Variants in PCDH9 observed in about 807,000 individuals in gnomAD.
PCDH9 encodes the protein protocadherin 9.
PCDH9 carries 24 observed loss-of-function variants against 70.6 expected under a neutral mutation model. That is an observed-to-expected ratio of 0.34 (90% CI 0.25 to 0.48). The LOEUF (loss-of-function observed/expected upper bound fraction) is 0.48. Ranked by LOEUF, PCDH9 falls within the 20% of genes least tolerant of loss-of-function variation. PCDH9 has a pLI of 0.99. For missense variants in PCDH9, 1,281 were observed against 1,503.6 expected (o/e 0.85, Z 2.45); for synonymous variants, 562 against 558.5 (o/e 1.01, Z -0.09).
intron 2 of PCDH9, among the ~76,000 whole-genome samples, chr13:66,992,208 A>C (rs2084016920): frequency 6.6e-6 from 1 of 152,178 alleles, no homozygotes; most frequent in African/African-American, 2.4e-5. Flanking sequence ...AGAAAAACAA[A>C]TGTTTCGATC....
chr13:66,834,423 T>C (rs1228289128), intron 3 of PCDH9, among the ~76,000 whole-genome samples: 2 of 152,280 alleles, frequency 1.3e-5, no homozygotes, highest in East Asian at 1.9e-4. Flanking sequence ...ATTACAGTCA[T>C]GAGCCACCAC....
chr13:66,327,336 C>A (rs1488519340), intron 4 of PCDH9, among the ~76,000 whole-genome samples: 1 of 152,148 alleles, frequency 6.6e-6, no homozygotes, highest in East Asian at 1.9e-4. Context: ...AGAAGGGTAA[C>A]AATCTGCTAC....
intron 4 of PCDH9, among the ~76,000 whole-genome samples, chr13:66,419,244 A>G (rs1157064654): frequency 6.6e-6 from 1 of 152,154 alleles, no homozygotes; most frequent in Non-Finnish European, 1.5e-5. Flanking sequence ...AAGACACAAC[A>G]AAAACAGAAA....
intron 2 of PCDH9, among the ~76,000 whole-genome samples, chr13:67,068,120 A>G (rs1310613003): frequency 1.3e-5 from 2 of 152,114 alleles, no homozygotes; most frequent in Non-Finnish European, 2.9e-5. Flanking sequence ...TACAGGGTAA[A>G]ATCATAAGCA....
chr13:66,975,966 C>CA (rs1259633066), intron 2 of PCDH9, among the ~76,000 whole-genome samples: 1 of 152,018 alleles, frequency 6.6e-6, no homozygotes, highest in Non-Finnish European at 1.5e-5. Context: ...TCACAGAAAA[C>CA]AGTCTATAAG....
At chr13:66,372,410 A>T (rs1371556180) in intron 4 of PCDH9, among the ~76,000 whole-genome samples, 3 of 151,842 alleles carry the variant, frequency 2.0e-5, no homozygotes, top group African/African-American at 7.2e-5. Flanking sequence ...ATAAATTTCC[A>T]GATGGTGAAC....
chr13:66,770,394 A>G (rs1490573245), intron 3 of PCDH9, among the ~76,000 whole-genome samples: 1 of 152,194 alleles, frequency 6.6e-6, no homozygotes, highest in African/African-American at 2.4e-5. Context: ...AGCAGCCTCT[A>G]GCATCTGTAG....
chr13:66,386,727 C>T (rs1956936554), intron 4 of PCDH9, among the ~76,000 whole-genome samples: 2 of 152,010 alleles, frequency 1.3e-5, no homozygotes, highest in African/African-American at 4.8e-5. Context: ...AAATTGGGTG[C>T]TCTTCAACAT....
intron 3 of PCDH9, among the ~76,000 whole-genome samples, chr13:66,669,103 T>C (rs1156926481): frequency 6.6e-6 from 1 of 152,186 alleles, no homozygotes; most frequent in Non-Finnish European, 1.5e-5. Context: ...ATGGAATGTC[T>C]ACATGTGCCC....
At chr13:66,504,397 C>T (rs552132122) in intron 4 of PCDH9, among the ~76,000 whole-genome samples, 17 of 152,150 alleles carry the variant, frequency 1.1e-4, no homozygotes, top group Admixed American at 7.2e-4. Flanking sequence ...TTCTCTAACC[C>T]TTGAATCTGA....
chr13:66,507,616 G>A (rs568385090), intron 4 of PCDH9, among the ~76,000 whole-genome samples: 7 of 152,262 alleles, frequency 4.6e-5, no homozygotes, highest in Admixed American at 3.3e-4. Context: ...TGTCTGCCAC[G>A]AAAATATAGG....
At chr13:66,744,888 T>C (rs551772695) in intron 3 of PCDH9, among the ~76,000 whole-genome samples, 2 of 152,302 alleles carry the variant, frequency 1.3e-5, no homozygotes, top group South Asian at 4.1e-4. Flanking sequence ...ACAAGATTAC[T>C]TGTAAATATC....
At chr13:66,957,546 T>G (rs1416120637) in intron 2 of PCDH9, among the ~76,000 whole-genome samples, 2 of 152,186 alleles carry the variant, frequency 1.3e-5, no homozygotes, top group Non-Finnish European at 2.9e-5. Context: ...ATGAAAGCCC[T>G]AACCCTCCAT....
intron 2 of PCDH9, among the ~76,000 whole-genome samples, chr13:67,057,529 A>G (rs1157260555): frequency 6.6e-6 from 1 of 152,028 alleles, no homozygotes; most frequent in Non-Finnish European, 1.5e-5. Context: ...ACAAAACAAT[A>G]GCTATAGTAT....
At chr13:66,650,766 G>A (rs564183532) in intron 3 of PCDH9, among the ~76,000 whole-genome samples, 25 of 151,808 alleles carry the variant, frequency 1.6e-4, no homozygotes, top group African/African-American at 6.0e-4. Flanking sequence ...ATTCTCAAGG[G>A]TAGACCATAT....
intron 4 of PCDH9, among the ~76,000 whole-genome samples, chr13:66,338,912 A>G (rs1956081442): frequency 1.3e-5 from 2 of 152,114 alleles, no homozygotes; most frequent in Non-Finnish European, 2.9e-5. Flanking sequence ...AGCAGCAATA[A>G]ACAATTCCAC....
Position 66,332,587 on chromosome 13 carries a change from G to A in PCDH9, c.3341-27559C>T, listed in dbSNP as rs190876977. On this transcript the variant is annotated intron_variant, in intron 4 of 4. Coordinates refer to ENST00000377865, the MANE Select transcript of PCDH9 (RefSeq NM_203487.3). ...CATGGATGAGGCACACAAGTCAATA[G>A]AGAAGGTGAAAATGCTATGACAGGG... Among the ~76,000 whole-genome samples, 4 of 152,156 alleles carry A rather than the reference G, an allele frequency of 2.6e-5. No individual in the cohort carries two copies. In the East Asian group the frequency reaches 7.8e-4, roughly 29 times the overall value.
intron 2 of PCDH9, chr13:67,202,750 A>G (rs1238038969): frequency 1.3e-5 from 2 of 152,118 alleles, no homozygotes; most frequent in Admixed American, 1.3e-4. Flanking sequence ...TCAGTCAGAG[A>G]GAAATGCCAT....
At chr13:66,980,114 A>G (rs1165074386) in intron 2 of PCDH9, among the ~76,000 whole-genome samples, 1 of 151,638 alleles carries the variant, frequency 6.6e-6, no homozygotes, top group Non-Finnish European at 1.5e-5. Context: ...CTATCTATCT[A>G]TCTATCTATC....
Sources: gnomAD v4.1 joint callset for allele counts (sites outside exome capture counted in the v4.1 genomes callset) on GRCh38, gnomAD v4.1.1 for gene constraint, MANE v1.5 for transcripts, NCBI Gene and HGNC (gene_info 2026-07-23, HGNC 2026-07-21) for gene names.